PLXDC2: variants seen among roughly 807,000 people sequenced by gnomAD.
PLXDC2 encodes the protein plexin domain containing 2, also known as plexin domain-containing protein 2.
PLXDC2 carries 40 observed loss-of-function variants against 68.9 expected under a neutral mutation model. That is an observed-to-expected ratio of 0.58 (90% CI 0.45 to 0.76). PLXDC2 has a LOEUF of 0.76. PLXDC2 is among the 30% of genes least tolerant of loss of function. PLXDC2 has a pLI of 0.00. For synonymous variants in PLXDC2, 243 were observed against 234.2 expected (o/e 1.04, Z -0.34); for missense variants, 644 against 661.9 (o/e 0.97, Z 0.30).
intron 1 of PLXDC2, among the ~76,000 whole-genome samples, chr10:19,952,287 G>A (rs1475814740): frequency 6.6e-6 from 1 of 152,104 alleles, no homozygotes; most frequent in East Asian, 1.9e-4. Context: ...CTACTTAACA[G>A]CAGCTGTTGT....
intron 1 of PLXDC2, among the ~76,000 whole-genome samples, chr10:19,970,782 G>T (rs1018772954): frequency 6.6e-6 from 1 of 152,164 alleles, no homozygotes; most frequent in Non-Finnish European, 1.5e-5. Context: ...CAACATCCGG[G>T]CAGCACCTCC....
chr10:20,208,556 G>T (rs1312276762), intron 9 of PLXDC2, among the ~76,000 whole-genome samples: 1 of 152,014 alleles, frequency 6.6e-6, no homozygotes, highest in Non-Finnish European at 1.5e-5. Flanking sequence ...TAACATTCAG[G>T]GGCAATGTAT....
chr10:20,008,803 A>G (rs2131642534), intron 2 of PLXDC2, among the ~76,000 whole-genome samples: 1 of 152,248 alleles, frequency 6.6e-6, no homozygotes, highest in Admixed American at 6.5e-5. Context: ...TGTTCTCATG[A>G]TGGTGAACAA....
chr10:20,278,358 A>G (rs1021939575), intron 13 of PLXDC2, among the ~76,000 whole-genome samples: 1 of 152,134 alleles, frequency 6.6e-6, no homozygotes, highest in Non-Finnish European at 1.5e-5. Flanking sequence ...TACCCTACAA[A>G]CAGGCATAAC....
At chr10:20,196,494 A>T (rs1194680725) in intron 9 of PLXDC2, among the ~76,000 whole-genome samples, 1 of 151,192 alleles carries the variant, frequency 6.6e-6, no homozygotes, top group African/African-American at 2.4e-5. Context: ...TGTTTACATT[A>T]TCTCATTTAA....
At chr10:20,164,096 G>A (rs1436777528) in intron 6 of PLXDC2, among the ~76,000 whole-genome samples, 2 of 151,738 alleles carry the variant, frequency 1.3e-5, no homozygotes, top group Non-Finnish European at 2.9e-5. Flanking sequence ...TTTTTTTTCA[G>A]AAAACAAATA....
At chr10:20,044,219 TTCTTTCTTTC>T (rs1214026646) in intron 2 of PLXDC2, among the ~76,000 whole-genome samples, 2 of 14,686 alleles carry the variant, frequency 1.4e-4, no homozygotes, top group Non-Finnish European at 2.4e-4. Context: ...CTGTCTTTCT[TTCTTTCTTTC>T]TTTCTTTCTT....
chr10:20,024,749 C>G (rs951998062), intron 2 of PLXDC2, among the ~76,000 whole-genome samples: 1 of 152,054 alleles, frequency 6.6e-6, no homozygotes, highest in Non-Finnish European at 1.5e-5. Context: ...TCCCCAGTAT[C>G]TATTTTTGCC....
intron 4 of PLXDC2, among the ~76,000 whole-genome samples, chr10:20,072,069 G>A (rs897207007): frequency 2.0e-5 from 3 of 152,064 alleles, no homozygotes; most frequent in Non-Finnish European, 1.5e-5. Context: ...AAATCTTGCC[G>A]GTCATGGTGG....
chr10:19,957,267 GCT>G (rs1834085359), intron 1 of PLXDC2, among the ~76,000 whole-genome samples: 1 of 152,038 alleles, frequency 6.6e-6, no homozygotes, highest in Admixed American at 6.5e-5. Flanking sequence ...GAAGGATATT[GCT>G]CTCTTTGTAG....
intron 1 of PLXDC2, among the ~76,000 whole-genome samples, chr10:19,831,317 C>T (rs1836687921): frequency 6.6e-6 from 1 of 152,228 alleles, no homozygotes; most frequent in Admixed American, 6.5e-5. Flanking sequence ...GTTTCACTTA[C>T]TGTCTTCCTT....
At chr10:20,206,532 G>C (rs1163891723) in intron 9 of PLXDC2, among the ~76,000 whole-genome samples, 1 of 151,966 alleles carries the variant, frequency 6.6e-6, no homozygotes, top group African/African-American at 2.4e-5. Context: ...TTCGGGGAAG[G>C]GAAAAGAATT....
chr10:20,220,989 C>T (rs1835203847), intron 12 of PLXDC2, among the ~76,000 whole-genome samples: 1 of 151,770 alleles, frequency 6.6e-6, no homozygotes, highest in Non-Finnish European at 1.5e-5. Flanking sequence ...ATTACAGGCA[C>T]CCACCACTAC....
intron 2 of PLXDC2, among the ~76,000 whole-genome samples, chr10:20,002,501 C>T (rs2131638207): frequency 6.6e-6 from 1 of 152,230 alleles, no homozygotes; most frequent in Admixed American, 6.5e-5. Flanking sequence ...TTAAGTGATC[C>T]ACCCACGAAG....
intron 1 of PLXDC2, among the ~76,000 whole-genome samples, chr10:19,956,427 T>C (rs1834070625): frequency 6.6e-6 from 1 of 152,224 alleles, no homozygotes; most frequent in Non-Finnish European, 1.5e-5. Flanking sequence ...CCTTTAAATT[T>C]ACCTTTCAGA....
At chr10:20,099,734 G>A (rs1375486046) in intron 4 of PLXDC2, among the ~76,000 whole-genome samples, 1 of 152,162 alleles carries the variant, frequency 6.6e-6, no homozygotes, top group African/African-American at 2.4e-5. Context: ...GGAGGATAAT[G>A]CCTAGTTAGA....
At chr10:20,227,321 A>G (rs1835299764) in intron 12 of PLXDC2, among the ~76,000 whole-genome samples, 1 of 152,142 alleles carries the variant, frequency 6.6e-6, no homozygotes, top group African/African-American at 2.4e-5. Context: ...AGTCAAGAAA[A>G]ACTATATAAG....
At chr10:20,271,781 G>A (rs1352546260) in intron 13 of PLXDC2, among the ~76,000 whole-genome samples, 1 of 152,158 alleles carries the variant, frequency 6.6e-6, no homozygotes, top group Non-Finnish European at 1.5e-5. Context: ...CCACCATAGT[G>A]CAGTGCCATG....
At chr10:19,868,296 G>A (rs1365476145) in intron 1 of PLXDC2, among the ~76,000 whole-genome samples, 1 of 152,038 alleles carries the variant, frequency 6.6e-6, no homozygotes, top group African/African-American at 2.4e-5. Flanking sequence ...ATAGTCTCCA[G>A]TGTCTGTCAT....
Sources: gnomAD v4.1 joint callset for allele counts (sites outside exome capture counted in the v4.1 genomes callset) on GRCh38, gnomAD v4.1.1 for gene constraint, MANE v1.5 for transcripts, NCBI Gene and HGNC (gene_info 2026-07-23, HGNC 2026-07-21) for gene names.